NKAIN3: variants seen among roughly 807,000 people sequenced by gnomAD.
NKAIN3 encodes the protein sodium/potassium-transporting ATPase subunit beta-1-interacting protein 3.
In NKAIN3, 25 loss-of-function variants were observed where a neutral mutation model predicts 30.2. The ratio of observed to expected loss-of-function variants is 0.83; its 90% CI spans 0.60 to 1.16. The LOEUF (loss-of-function observed/expected upper bound fraction) is 1.16. Ranked by LOEUF, NKAIN3 falls within the 50% of genes most tolerant of loss-of-function variation. NKAIN3 has a pLI of 0.00. For synonymous variants in NKAIN3, 91 were observed against 89.6 expected, an observed-to-expected ratio of 1.02 and a Z score of -0.09; for missense variants, 225 against 254.1, an observed-to-expected ratio of 0.89 and a Z score of 0.78.
At chr8:62,742,548 A>G (rs1273342253) in intron 3 of NKAIN3, among the ~76,000 whole-genome samples, 1 of 152,214 alleles carries the variant, frequency 6.6e-6, no homozygotes, top group East Asian at 1.9e-4. Flanking sequence ...TACCCTGGAC[A>G]TATGCTTGCA....
At chr8:62,773,541 C>T (rs1817089839) in intron 4 of NKAIN3, among the ~76,000 whole-genome samples, 1 of 152,096 alleles carries the variant, frequency 6.6e-6, no homozygotes, top group Non-Finnish European at 1.5e-5. Flanking sequence ...CTGCCCAAAT[C>T]TCATCTCGAA....
At chr8:62,893,230 G>A (rs545779411) in intron 4 of NKAIN3, among the ~76,000 whole-genome samples, 119 of 152,170 alleles carry the variant, frequency 7.8e-4, no homozygotes, top group South Asian at 2.7e-3. Flanking sequence ...ATGTCCGTAC[G>A]TTAAGGAGAA....
At chr8:62,618,532 C>CT (rs952717687) in intron 3 of NKAIN3, among the ~76,000 whole-genome samples, 18 of 148,298 alleles carry the variant, frequency 1.2e-4, no homozygotes, top group East Asian at 5.9e-4. Context: ...GTTGTGGTGG[C>CT]TTTTTTTTTT....
intron 1 of NKAIN3, among the ~76,000 whole-genome samples, chr8:62,370,499 A>G (rs1443262283): frequency 6.6e-6 from 1 of 152,020 alleles, no homozygotes; most frequent in African/African-American, 2.4e-5. Flanking sequence ...ATACACATCT[A>G]TGCACACACA....
chr8:62,547,827 A>G (rs936734971), intron 1 of NKAIN3, among the ~76,000 whole-genome samples: 1 of 152,210 alleles, frequency 6.6e-6, no homozygotes, highest in Non-Finnish European at 1.5e-5. Flanking sequence ...AGATGAAGGC[A>G]TCCTCTAAGA....
chr8:62,496,062 G>A (rs1003039375), intron 1 of NKAIN3, among the ~76,000 whole-genome samples: 11 of 151,986 alleles, frequency 7.2e-5, no homozygotes, highest in Non-Finnish European at 1.5e-5. Flanking sequence ...TGTAATTTGT[G>A]GTTAGATACT....
intron 3 of NKAIN3, among the ~76,000 whole-genome samples, chr8:62,652,519 T>G (rs892162827): frequency 1.3e-5 from 2 of 152,198 alleles, no homozygotes; most frequent in African/African-American, 4.8e-5. Flanking sequence ...CCCATTTTTC[T>G]TTATTAGACA....
chr8:62,385,491 A>G (rs1189691970), intron 1 of NKAIN3, among the ~76,000 whole-genome samples: 4 of 152,224 alleles, frequency 2.6e-5, no homozygotes, highest in African/African-American at 7.2e-5. Flanking sequence ...ACAGTTTCAC[A>G]GTTAACATGG....
At chr8:62,450,188 A>G (rs1805600000) in intron 1 of NKAIN3, among the ~76,000 whole-genome samples, 1 of 152,166 alleles carries the variant, frequency 6.6e-6, no homozygotes, top group Non-Finnish European at 1.5e-5. Context: ...CTGAAGCCTA[A>G]TCTCCAACAT....
At chr8:62,482,811 G>C (rs1408867731) in intron 1 of NKAIN3, 1 of 152,116 alleles carries the variant, frequency 6.6e-6, no homozygotes, top group African/African-American at 2.4e-5. Flanking sequence ...ATATTACTGG[G>C]GTAATATTAG....
intron 1 of NKAIN3, among the ~76,000 whole-genome samples, chr8:62,472,257 A>G (rs192640697): frequency 1.9e-3 from 287 of 152,260 alleles, no homozygotes; most frequent in African/African-American, 6.6e-3. Context: ...AAACTGAATC[A>G]GGAATAGGCT....
intron 1 of NKAIN3, among the ~76,000 whole-genome samples, chr8:62,377,115 G>T (rs1248462530): frequency 1.3e-5 from 2 of 152,032 alleles, no homozygotes; most frequent in Non-Finnish European, 2.9e-5. Flanking sequence ...TAGACTAAAA[G>T]CACATTTTAC....
intron 1 of NKAIN3, among the ~76,000 whole-genome samples, chr8:62,485,715 A>G (rs1000842301): frequency 1.3e-5 from 2 of 152,194 alleles, no homozygotes; most frequent in African/African-American, 4.8e-5. Context: ...AAGAGGCTGT[A>G]GTTTTCTTTC....
intron 3 of NKAIN3, among the ~76,000 whole-genome samples, chr8:62,690,754 G>C (rs969507069): frequency 6.6e-6 from 1 of 152,182 alleles, no homozygotes; most frequent in Non-Finnish European, 1.5e-5. Context: ...CACTGATGAG[G>C]CACCAGCTTG....
chr8:62,842,652 T>A (rs1819568253), intron 4 of NKAIN3, among the ~76,000 whole-genome samples: 1 of 152,112 alleles, frequency 6.6e-6, no homozygotes, highest in Non-Finnish European at 1.5e-5. Context: ...AATACTGGCA[T>A]AAAAACAGAC....
chr8:62,649,293 G>A (rs1488568840), intron 3 of NKAIN3, among the ~76,000 whole-genome samples: 4 of 152,058 alleles, frequency 2.6e-5, no homozygotes, highest in Non-Finnish European at 4.4e-5. Context: ...TTTGGTTTGG[G>A]TTGAGTGAAT....
chr8:62,808,548 T>A (rs936678942), intron 4 of NKAIN3, among the ~76,000 whole-genome samples: 1 of 151,694 alleles, frequency 6.6e-6, no homozygotes, highest in South Asian at 2.1e-4. Flanking sequence ...GGGGAAAGAG[T>A]ACCAAAGAGA....
chr8:62,554,904 C>A (rs1460323180), intron 1 of NKAIN3, among the ~76,000 whole-genome samples: 1 of 151,888 alleles, frequency 6.6e-6, no homozygotes, highest in Non-Finnish European at 1.5e-5. Context: ...TTTATTAATT[C>A]TAAATATAAG....
intron 4 of NKAIN3, among the ~76,000 whole-genome samples, chr8:62,904,132 A>C (rs1226764623): frequency 6.6e-6 from 1 of 152,158 alleles, no homozygotes; most frequent in Non-Finnish European, 1.5e-5. Context: ...GTATCTGGAC[A>C]TTCCGTTGTT....
Sources: gnomAD v4.1 joint callset for allele counts (sites outside exome capture counted in the v4.1 genomes callset) on GRCh38, gnomAD v4.1.1 for gene constraint, MANE v1.5 for transcripts, NCBI Gene and HGNC (gene_info 2026-07-23, HGNC 2026-07-21) for gene names.